RAPGEF5: variants seen among roughly 807,000 people sequenced by gnomAD.
The protein encoded by RAPGEF5 is M-Ras-regulated GEF.
Under a neutral mutation model 125.2 loss-of-function variants are expected in RAPGEF5, and 65 were observed. The ratio of observed to expected loss-of-function variants is 0.52; its 90% CI spans 0.43 to 0.64. The LOEUF (loss-of-function observed/expected upper bound fraction) is 0.64. Ranked by LOEUF, RAPGEF5 falls within the 30% of genes least tolerant of loss-of-function variation. The pLI, the probability that RAPGEF5 is intolerant of heterozygous loss-of-function variation, is 0.00. For missense variants in RAPGEF5, 958 were observed against 1,048.1 expected, an observed-to-expected ratio of 0.91 and a Z score of 1.19; for synonymous variants, 391 against 385.9, an observed-to-expected ratio of 1.01 and a Z score of -0.16.
rs576298385 is a variant in RAPGEF5 at position 22,303,681 on chromosome 7, T to C, written c.680+4658A>G. ...CAAAATTGGGTTTTCAGCAAATGAA[T>C]GGACAATGTAAGAATCAAGAGGGCA... On this transcript the variant is annotated intron_variant, in intron 5 of 25. Coordinates refer to ENST00000665637, the MANE Select transcript of RAPGEF5 (RefSeq NM_012294.5). Among the ~76,000 whole-genome samples, 3 of 152,264 alleles carry C rather than the reference T, an allele frequency of 2.0e-5. No individual in the cohort carries two copies. In the South Asian group the frequency reaches 6.2e-4, roughly 32 times the overall value.
chr7:22,340,653 A>C (rs1259256027), intron 1 of RAPGEF5, among the ~76,000 whole-genome samples: 1 of 152,136 alleles, frequency 6.6e-6, no homozygotes, highest in Non-Finnish European at 1.5e-5. Flanking sequence ...CTCCACACTG[A>C]GCTCCTCCTT....
chr7:22,162,882 C>T (rs576165048), intron 12 of RAPGEF5: 246 of 470,566 alleles, frequency 5.2e-4, no homozygotes, highest in Non-Finnish European at 8.8e-4. Context: ...AGAGAGCTAG[C>T]CTCACTACAC....
intron 16 of RAPGEF5, among the ~76,000 whole-genome samples, 197 bp downstream of exon 16, chr7:22,156,613 T>C (rs1266882961): frequency 6.6e-6 from 1 of 152,198 alleles, no homozygotes; most frequent in Non-Finnish European, 1.5e-5. Context: ...CCTTGGTGCT[T>C]GGGACAGTAT....
chr7:22,267,974 T>TACATTCA (rs1782324509), intron 6 of RAPGEF5, among the ~76,000 whole-genome samples: 1 of 152,140 alleles, frequency 6.6e-6, no homozygotes, highest in African/African-American at 2.4e-5. Flanking sequence ...CAAATTAACA[T>TACATTCA]AATCTACATT....
At chr7:22,240,334 T>C (rs900053969) in intron 7 of RAPGEF5, among the ~76,000 whole-genome samples, 2 of 150,632 alleles carry the variant, frequency 1.3e-5, no homozygotes, top group African/African-American at 4.9e-5. Context: ...TTTTTTTTTT[T>C]CAATATTTTT....
chr7:22,190,737 G>A (rs965449503), intron 11 of RAPGEF5, among the ~76,000 whole-genome samples: 101 of 152,216 alleles, frequency 6.6e-4, no homozygotes, highest in African/African-American at 2.4e-3. Context: ...GACTTTTGTG[G>A]GAAAGCGATG....
chr7:22,235,013 T>C (rs1332688654), intron 7 of RAPGEF5, among the ~76,000 whole-genome samples: 1 of 152,168 alleles, frequency 6.6e-6, no homozygotes, highest in Non-Finnish European at 1.5e-5. Flanking sequence ...GTGTGCTGAC[T>C]CTCATCAGGA....
intron 6 of RAPGEF5, among the ~76,000 whole-genome samples, chr7:22,286,723 A>C (rs1782807004): frequency 1.3e-5 from 2 of 152,196 alleles, no homozygotes; most frequent in Non-Finnish European, 2.9e-5. Context: ...ATTCACCATA[A>C]ACACTTCCCC....
intron 1 of RAPGEF5, among the ~76,000 whole-genome samples, chr7:22,335,704 AC>A (rs113310443): frequency 0.35 from 49,288 of 141,864 alleles, 8,382 homozygotes; most frequent in East Asian, 0.38. Flanking sequence ...AAAAAAAAAA[AC>A]AACAAAACAA....
intron 7 of RAPGEF5, among the ~76,000 whole-genome samples, chr7:22,263,270 G>A (rs1298034343): frequency 6.6e-6 from 1 of 152,156 alleles, no homozygotes; most frequent in Non-Finnish European, 1.5e-5. Flanking sequence ...TTTGCAAAAT[G>A]TTATCATTGG....
At chr7:22,321,282 A>T (rs1180444910) in intron 1 of RAPGEF5, among the ~76,000 whole-genome samples, 1 of 152,216 alleles carries the variant, frequency 6.6e-6, no homozygotes, top group Non-Finnish European at 1.5e-5. Flanking sequence ...TCCAGAAATA[A>T]TTGGTTAGCA....
intron 1 of RAPGEF5, among the ~76,000 whole-genome samples, chr7:22,343,704 C>T (rs1181595806): frequency 6.6e-5 from 10 of 152,260 alleles, no homozygotes; most frequent in Admixed American, 1.3e-4. Context: ...CTCACCAACA[C>T]GCCCATTGCT....
intron 6 of RAPGEF5, among the ~76,000 whole-genome samples, chr7:22,280,464 T>C (rs1782650579): frequency 6.6e-6 from 1 of 152,114 alleles, no homozygotes; most frequent in Non-Finnish European, 1.5e-5. Context: ...GGATGGAAGA[T>C]TGAAGCTCTG....
In RAPGEF5 at chr7:22,327,057, T is replaced by C. The variant is rs74776326; in HGVS notation, c.232-9020A>G. ...ATGAAAAAGGAGCAATTAGTTTCAC[T>C]AACTCCTTTTAAATTGGGAATTTTC... On this transcript the variant is annotated intron_variant, in intron 1 of 25. Coordinates refer to ENST00000665637, the MANE Select transcript of RAPGEF5 (RefSeq NM_012294.5). Among the ~76,000 whole-genome samples the C allele has an allele frequency of 2.7e-3, 418 of 152,348 alleles. 3 individuals carry two copies. Among genetic ancestry groups the C allele is most frequent in the African/African-American group, 9.3e-3 (386 of 41,574 alleles).
chr7:22,216,921 C>T (rs771409117), intron 9 of RAPGEF5, among the ~76,000 whole-genome samples: 7 of 152,160 alleles, frequency 4.6e-5, no homozygotes, highest in Non-Finnish European at 1.0e-4. Context: ...TTAGAAATGC[C>T]TACTGAGAAA....
intron 5 of RAPGEF5, among the ~76,000 whole-genome samples, chr7:22,297,599 T>C (rs554251773): frequency 6.6e-6 from 1 of 152,344 alleles, no homozygotes; most frequent in African/African-American, 2.4e-5. Flanking sequence ...ACCTCTTCCA[T>C]CTACCTTTAA....
intron 1 of RAPGEF5, among the ~76,000 whole-genome samples, chr7:22,326,428 G>A (rs1240364394): frequency 6.6e-6 from 1 of 152,148 alleles, no homozygotes; most frequent in African/African-American, 2.4e-5. Context: ...TGCTACAACA[G>A]CAGAGTTACA....
At chr7:22,161,068 C>T (rs1462664744) in intron 13 of RAPGEF5, among the ~76,000 whole-genome samples, 1 of 149,306 alleles carries the variant, frequency 6.7e-6, no homozygotes, top group Non-Finnish European at 1.5e-5. Flanking sequence ...ATTAGCCATG[C>T]GTGGTAGCGG....
In RAPGEF5 at chr7:22,219,994, T is replaced by A; in HGVS notation, c.871-3A>T. ...TGGAGCTTGCACATCACCCCTGCCTTAAGAGTTGGAGAAAAAGCGAAGATA... is the reference window on the plus strand; with the variant it reads ...TGGAGCTTGCACATCACCCCTGCCTAAAGAGTTGGAGAAAAAGCGAAGATA... On this transcript the variant is annotated splice_region_variant and splice_polypyrimidine_tract_variant and intron_variant, in intron 8 of 25. Transcript: ENST00000665637. 6.2e-7 allele frequency: 1 copy of A among 1,613,116 alleles called. No individual in the cohort carries two copies. The highest frequency in any genetic ancestry group is 8.5e-7 in the Non-Finnish European group (1 of 1,179,438).
Sources: gnomAD v4.1 joint callset for allele counts (sites outside exome capture counted in the v4.1 genomes callset) on GRCh38, gnomAD v4.1.1 for gene constraint, MANE v1.5 for transcripts, NCBI Gene and HGNC (gene_info 2026-07-23, HGNC 2026-07-21) for gene names.